GAS7: variants seen among roughly 807,000 people sequenced by gnomAD.
GAS7 encodes the protein growth arrest-specific protein 7.
GAS7 carries 28 observed loss-of-function variants against 71.1 expected under a neutral mutation model. The ratio of observed to expected loss-of-function variants is 0.39; its 90% CI spans 0.29 to 0.54. GAS7 has a LOEUF of 0.54. GAS7 is among the 20% of genes least tolerant of loss of function. The pLI is 0.62. For synonymous variants in GAS7, 258 were observed against 245.8 expected (o/e 1.05, Z -0.46); for missense variants, 436 against 627.8 (o/e 0.69, Z 3.27).
intron 1 of GAS7, among the ~76,000 whole-genome samples, chr17:10,059,344 A>T (rs966623757): frequency 6.6e-6 from 1 of 152,198 alleles, no homozygotes; most frequent in Non-Finnish European, 1.5e-5. Context: ...GGAGGAGAAG[A>T]TCCAAAACAG....
intron 1 of GAS7, among the ~76,000 whole-genome samples, chr17:10,091,873 A>G (rs2073585915): frequency 6.6e-6 from 1 of 151,644 alleles, no homozygotes; most frequent in Admixed American, 6.6e-5. Flanking sequence ...TTGTAGAGAG[A>G]GGGTTTTGCC....
intron 1 of GAS7, among the ~76,000 whole-genome samples, chr17:10,020,768 C>G (rs967404392): frequency 6.6e-6 from 1 of 152,032 alleles, no homozygotes; most frequent in Non-Finnish European, 1.5e-5. Flanking sequence ...AAAAAATTAG[C>G]TAGGCGTGGT....
chr17:10,074,617 G>C (rs1192595372), intron 1 of GAS7, among the ~76,000 whole-genome samples: 1 of 152,102 alleles, frequency 6.6e-6, no homozygotes, highest in Non-Finnish European at 1.5e-5. Context: ...ACCTGAATAG[G>C]TCTATAACCT....
chr17:9,957,414 C>T (rs1345189586), intron 5 of GAS7, among the ~76,000 whole-genome samples: 2 of 152,226 alleles, frequency 1.3e-5, no homozygotes, highest in African/African-American at 4.8e-5. Flanking sequence ...CGGCCACACC[C>T]GAAGCCCTGG....
chr17:9,925,694 C>T, intron 10 of GAS7, 95 bp from the exon 11 acceptor site: 1 of 1,400,372 alleles, frequency 7.1e-7, no homozygotes, highest in Non-Finnish European at 9.9e-7. Context: ...AGTCCTTTCG[C>T]CCCTTGTTTG....
chr17:10,085,185 A>G (rs1449124865), intron 1 of GAS7, among the ~76,000 whole-genome samples: 1 of 152,164 alleles, frequency 6.6e-6, no homozygotes, highest in African/African-American at 2.4e-5. Flanking sequence ...CTTGGCTTAC[A>G]TCAGCCAGAA....
chr17:10,109,313 G>A (rs773424886), intron 1 of GAS7, among the ~76,000 whole-genome samples: 12 of 152,114 alleles, frequency 7.9e-5, no homozygotes, highest in East Asian at 1.9e-4. Flanking sequence ...GAGTTAGAAC[G>A]GGTATGCCTG....
intron 1 of GAS7, among the ~76,000 whole-genome samples, chr17:10,070,324 CCTTCGTTCTCTCT>C (rs1305466183): frequency 6.6e-6 from 1 of 150,594 alleles, no homozygotes; most frequent in Admixed American, 6.7e-5. Context: ...CCCAGCTCTC[CCTTCGTTCTCTCT>C]CTTCTTTTTT....
intron 2 of GAS7, among the ~76,000 whole-genome samples, chr17:9,990,303 C>A (rs180949241): frequency 6.6e-6 from 1 of 152,138 alleles, no homozygotes; most frequent in Non-Finnish European, 1.5e-5. Context: ...GCTCGCCCTA[C>A]GGATGCTGGC....
intron 1 of GAS7, among the ~76,000 whole-genome samples, chr17:10,124,871 T>C (rs1399330825): frequency 6.6e-6 from 1 of 151,982 alleles, no homozygotes; most frequent in African/African-American, 2.4e-5. Context: ...TGAGCCGAGT[T>C]CGCGCTACTG....
rs1343383654 is a variant in GAS7 at position 10,103,753 on chromosome 17, G to A, written c.184-83856C>T. 1.3e-5 allele frequency among the ~76,000 whole-genome samples: 2 copies of A among 151,230 alleles called. No individual in the cohort carries two copies. Among genetic ancestry groups the A allele is most frequent in the African/African-American group, 2.4e-5 (1 of 41,126 alleles). ...AGGCAGGAGAACTGCTTGAACCTGG[G>A]AGGCAGAGGTTGCAGTGAGCCAAGA... On this transcript the variant is annotated intron_variant, in intron 1 of 13. Transcript: ENST00000432992. The surrounding 1 kb of genome is among the most constrained non-coding windows in gnomAD (Gnocchi z 5.5).
intron 1 of GAS7, among the ~76,000 whole-genome samples, chr17:10,021,658 A>G (rs2072273891): frequency 6.6e-6 from 1 of 152,200 alleles, no homozygotes; most frequent in East Asian, 1.9e-4. Context: ...GCCAGGATCA[A>G]CACGGTGTGG....
At chr17:9,927,610 T>G (rs2152075667) in intron 9 of GAS7, among the ~76,000 whole-genome samples, 1 of 152,354 alleles carries the variant, frequency 6.6e-6, no homozygotes, top group East Asian at 1.9e-4. Flanking sequence ...ACTGAGAGCT[T>G]TCTGGGGACA....
intron 1 of GAS7, among the ~76,000 whole-genome samples, chr17:10,156,513 G>A (rs1031893055): frequency 6.6e-6 from 1 of 152,178 alleles, no homozygotes; most frequent in Admixed American, 6.5e-5. Flanking sequence ...CTCTGGGCTG[G>A]TGACTCTCCA....
intron 1 of GAS7, among the ~76,000 whole-genome samples, chr17:10,088,359 G>C (rs754645248): frequency 6.8e-4 from 104 of 152,178 alleles, no homozygotes; most frequent in Admixed American, 1.8e-3. Context: ...TAGAGGGGCA[G>C]GTACAAAACC....
At chr17:10,013,868 C>T (rs1015300046) in intron 2 of GAS7, among the ~76,000 whole-genome samples, 16 of 152,200 alleles carry the variant, frequency 1.1e-4, no homozygotes, top group Non-Finnish European at 1.5e-5. Context: ...TGCTGCCTTA[C>T]ACCTGTGCTG....
intron 1 of GAS7, among the ~76,000 whole-genome samples, chr17:10,087,208 G>A (rs961242568): frequency 1.3e-5 from 2 of 152,134 alleles, no homozygotes; most frequent in African/African-American, 2.4e-5. Context: ...AGCTCTACAC[G>A]CAAACTCACA....
rs114828549 is a variant in GAS7 at position 9,998,565 on chromosome 17, G to A, written c.305-16681C>T. 4.9e-3 allele frequency among the ~76,000 whole-genome samples: 752 copies of A among 152,224 alleles called. 14 individuals are homozygous for A. The highest frequency in any genetic ancestry group is 0.017 in the African/African-American group (712 of 41,538). ...GTAGGTGTCTTGAGCCCAGGAGCTCGAGACCAGCCTGGGCAATATAGTGAG... is the reference window on the plus strand; with the variant it reads ...GTAGGTGTCTTGAGCCCAGGAGCTCAAGACCAGCCTGGGCAATATAGTGAG... On this transcript the variant is annotated intron_variant, in intron 2 of 13. Coordinates refer to ENST00000432992, the MANE Select transcript of GAS7 (RefSeq NM_201433.2).
chr17:9,985,887 G>T (rs2070628802), intron 2 of GAS7, among the ~76,000 whole-genome samples: 1 of 152,180 alleles, frequency 6.6e-6, no homozygotes, highest in Admixed American at 6.5e-5. Context: ...CCTTCCCCGG[G>T]GGTTGCTCCC....
Sources: allele counts gnomAD v4.1 joint callset (sites outside exome capture counted in the v4.1 genomes callset), GRCh38; gene constraint gnomAD v4.1.1; non-coding constraint Gnocchi (gnomAD v3.1); transcripts MANE v1.5; gene names NCBI Gene and HGNC (gene_info 2026-07-23, HGNC 2026-07-21).